The following COX7B2 variants were observed in gnomAD, a reference collection of about 807,000 sequenced individuals.
COX7B2 encodes cytochrome c oxidase subunit 7B2.
For synonymous variants in COX7B2, 37 were observed against 32.1 expected (o/e 1.15, Z -0.51); for missense variants, 109 against 95.9 (o/e 1.14, Z -0.57).
At chr4:46,832,963 A>G (rs1426615214) in intron 2 of COX7B2, among the ~76,000 whole-genome samples, 1 of 151,842 alleles carries the variant, frequency 6.6e-6, no homozygotes, top group African/African-American at 2.4e-5. Context: ...TGGAGTGCAA[A>G]GGCGTGATCT....
intron 1 of COX7B2, among the ~76,000 whole-genome samples, chr4:46,898,738 A>G (rs1042086822): frequency 6.6e-6 from 1 of 152,088 alleles, no homozygotes; most frequent in Non-Finnish European, 1.5e-5. Flanking sequence ...TCAATTTACC[A>G]TTGATAAATA....
intron 2 of COX7B2, among the ~76,000 whole-genome samples, chr4:46,753,801 T>G (rs1355304986): frequency 1.3e-5 from 2 of 152,098 alleles, no homozygotes; most frequent in Non-Finnish European, 2.9e-5. Context: ...AGAAAATTTT[T>G]GCAATCTACC....
chr4:46,794,213 G>T (rs1213185119), intron 2 of COX7B2, among the ~76,000 whole-genome samples: 1 of 152,184 alleles, frequency 6.6e-6, no homozygotes, highest in Non-Finnish European at 1.5e-5. Context: ...TAAAGCTGTG[G>T]CTGTGGGATA....
At position 46,745,607 on chromosome 4, in the gene COX7B2, G is replaced by C. The variant is rs897118981; in HGVS notation, c.-49-10366C>G. ...AAAACTGGCCAGAGGGGCAAACTTT[G>C]GTACACTGATTTTTTTTTCCTTCTT... On this transcript the variant is annotated intron_variant, in intron 2 of 2. Transcript: ENST00000355591. 2.0e-5 allele frequency among the ~76,000 whole-genome samples: 3 copies of C among 152,050 alleles called. No homozygotes were observed. In the East Asian group the frequency reaches 5.8e-4, roughly 29 times the overall value.
intron 2 of COX7B2, among the ~76,000 whole-genome samples, chr4:46,762,538 AT>A (rs1277295918): frequency 6.9e-6 from 1 of 145,886 alleles, no homozygotes; most frequent in Non-Finnish European, 1.5e-5. Flanking sequence ...GGCAGCCATT[AT>A]TAATATAGTT....
At chr4:46,868,257 ATCT>A (rs1440231940) in intron 1 of COX7B2, among the ~76,000 whole-genome samples, 1 of 150,996 alleles carries the variant, frequency 6.6e-6, no homozygotes, top group African/African-American at 2.4e-5. Flanking sequence ...GTTTATGTGG[ATCT>A]TCTCTCTTTT....
intron 2 of COX7B2, among the ~76,000 whole-genome samples, chr4:46,758,832 A>G (rs1715957710): frequency 6.6e-6 from 1 of 152,146 alleles, no homozygotes; most frequent in South Asian, 2.1e-4. Context: ...TAGGCCTAAG[A>G]TAGAAAATTT....
chr4:46,741,194 C>A (rs116784277), intron 2 of COX7B2, among the ~76,000 whole-genome samples: 1,716 of 152,184 alleles, frequency 0.011, 20 homozygotes, highest in Middle Eastern at 0.037. Context: ...CTATTTCTCA[C>A]ATTGCCCAGA....
chr4:46,840,859 G>A (rs1236569917), intron 2 of COX7B2, among the ~76,000 whole-genome samples: 1 of 151,914 alleles, frequency 6.6e-6, no homozygotes, highest in African/African-American at 2.4e-5. Context: ...AAGTTAGTCT[G>A]GGAAGGATTA....
At chr4:46,767,209 A>C (rs6830441) in intron 2 of COX7B2, among the ~76,000 whole-genome samples, 49,964 of 152,114 alleles carry the variant, frequency 0.33, 8,462 homozygotes, top group South Asian at 0.47. Flanking sequence ...AGTAGGATAT[A>C]TACAGCTGTA....
chr4:46,744,496 G>T (rs932966577), intron 2 of COX7B2, among the ~76,000 whole-genome samples: 2 of 151,850 alleles, frequency 1.3e-5, no homozygotes, highest in Non-Finnish European at 2.9e-5. Context: ...CAAACCCGCG[G>T]TGTTACGGTA....
Position 46,813,261 on chromosome 4 carries a change from C to T in COX7B2, c.-50+31699G>A, listed in dbSNP as rs530829081. On this transcript the variant is annotated intron_variant, in intron 2 of 2. Transcript: ENST00000355591. The stretch of plus-strand genomic sequence containing the variant: ...CTTTATCCATTCATCTGTTCATGGG[C>T]ATTCAGAAGATTCCATATCTTGGCT... 2.9e-4 allele frequency among the ~76,000 whole-genome samples: 44 copies of T among 152,282 alleles called. 1 individual carries two copies. The highest frequency in any genetic ancestry group is 8.9e-4 in the African/African-American group (37 of 41,556).
chr4:46,870,610 C>G (rs1451475216), intron 1 of COX7B2, among the ~76,000 whole-genome samples: 3 of 152,034 alleles, frequency 2.0e-5, no homozygotes, highest in African/African-American at 7.2e-5. Flanking sequence ...AAAGCTCTGC[C>G]AGCTGATAAA....
At chr4:46,815,014 C>T (rs149246759) in intron 2 of COX7B2, among the ~76,000 whole-genome samples, 1,677 of 152,018 alleles carry the variant, frequency 0.011, 21 homozygotes, top group Middle Eastern at 0.041. Context: ...GGCGAAACCC[C>T]GTCTCTACTG....
chr4:46,841,881 C>T (rs1183238386), intron 2 of COX7B2, among the ~76,000 whole-genome samples: 2 of 151,796 alleles, frequency 1.3e-5, no homozygotes. Context: ...TAATTCTTAA[C>T]CCATAAAGAA....
At chr4:46,842,924 G>A (rs1716030931) in intron 2 of COX7B2, among the ~76,000 whole-genome samples, 1 of 151,984 alleles carries the variant, frequency 6.6e-6, no homozygotes, top group Admixed American at 6.6e-5. Context: ...CCCAGTAATG[G>A]GATGGCTGGG....
intron 1 of COX7B2, among the ~76,000 whole-genome samples, chr4:46,862,932 G>T (rs1386694244): frequency 6.6e-6 from 1 of 152,114 alleles, no homozygotes; most frequent in African/African-American, 2.4e-5. Flanking sequence ...GGACGTATGG[G>T]TCATTTCCAA....
At chr4:46,817,745 G>A (rs189787574) in intron 2 of COX7B2, among the ~76,000 whole-genome samples, 4 of 152,274 alleles carry the variant, frequency 2.6e-5, no homozygotes, top group African/African-American at 9.6e-5. Context: ...AAAGCCAGGA[G>A]GTGAGGATAA....
chr4:46,827,037 G>A (rs572425947), intron 2 of COX7B2, among the ~76,000 whole-genome samples: 1 of 152,124 alleles, frequency 6.6e-6, no homozygotes, highest in South Asian at 2.1e-4. Flanking sequence ...TAGATTAATG[G>A]ATTGAATAAA....
Sources: gnomAD v4.1 joint callset for allele counts (sites outside exome capture counted in the v4.1 genomes callset) on GRCh38, gnomAD v4.1.1 for gene constraint, MANE v1.5 for transcripts, NCBI Gene and HGNC (gene_info 2026-07-23, HGNC 2026-07-21) for gene names.